The following RGL1 variants were observed in gnomAD, a reference collection of about 807,000 sequenced individuals.
RGL1 encodes the protein ral guanine nucleotide dissociation stimulator like 1, also known as ral guanine nucleotide dissociation stimulator-like 1.
Under a neutral mutation model 95.2 loss-of-function variants are expected in RGL1, and 24 were observed. That is an observed-to-expected ratio of 0.25 (90% CI 0.18 to 0.35). The LOEUF is 0.35. RGL1 is among the 10% of genes least tolerant of loss of function. The pLI, the probability that RGL1 is intolerant of heterozygous loss-of-function variation, is 1.00. For synonymous variants in RGL1, 329 were observed against 344.9 expected (o/e 0.95, Z 0.51); for missense variants, 715 against 936.3 (o/e 0.76, Z 3.08).
At chr1:183,713,379 C>CG (rs1456765182) in intron 1 of RGL1, among the ~76,000 whole-genome samples, 2 of 126,780 alleles carry the variant, frequency 1.6e-5, no homozygotes, top group Admixed American at 7.9e-5. Flanking sequence ...TAGAGGCACC[C>CG]CCCCCCCCCG....
intron 1 of RGL1, among the ~76,000 whole-genome samples, chr1:183,717,998 G>A (rs888349143): frequency 6.6e-6 from 1 of 152,150 alleles, no homozygotes; most frequent in African/African-American, 2.4e-5. Context: ...TGTAATTCCA[G>A]CACTTTGGGA....
chr1:183,708,916 C>T (rs1655089975), intron 1 of RGL1, among the ~76,000 whole-genome samples: 1 of 152,180 alleles, frequency 6.6e-6, no homozygotes, highest in Admixed American at 6.5e-5. Flanking sequence ...ATGTAAGGCT[C>T]TTGTATCAGT....
chr1:183,726,338 C>T (rs936842169), intron 1 of RGL1, among the ~76,000 whole-genome samples: 23 of 151,848 alleles, frequency 1.5e-4, no homozygotes, highest in African/African-American at 2.4e-5. Context: ...AAATCAAAAT[C>T]TGATTCTTTG....
At chr1:183,861,426 C>A (rs1299468175) in intron 3 of RGL1, among the ~76,000 whole-genome samples, 1 of 152,212 alleles carries the variant, frequency 6.6e-6, no homozygotes, top group African/African-American at 2.4e-5. Context: ...TTCACCTTAC[C>A]AGATAGGCTA....
At chr1:183,747,376 T>G (rs1005295511) in intron 2 of RGL1, among the ~76,000 whole-genome samples, 6 of 152,210 alleles carry the variant, frequency 3.9e-5, no homozygotes, top group Admixed American at 3.9e-4. Flanking sequence ...TATCTCATTG[T>G]ATACAATGAC....
At chr1:183,658,917 AGCCACC>A (rs1037012003) in intron 1 of RGL1, among the ~76,000 whole-genome samples, 1 of 151,808 alleles carries the variant, frequency 6.6e-6, no homozygotes. Context: ...GCTGTTCTGC[AGCCACC>A]GCTGCTGGTA....
At chr1:183,726,804 A>AT (rs1656337798) in intron 1 of RGL1, among the ~76,000 whole-genome samples, 1 of 152,128 alleles carries the variant, frequency 6.6e-6, no homozygotes, top group South Asian at 2.1e-4. Context: ...GAATGCTTCC[A>AT]TTATACTTAC....
intron 1 of RGL1, chr1:183,709,727 C>T (rs1054165163): frequency 2.3e-5 from 5 of 215,226 alleles, no homozygotes; most frequent in Admixed American, 4.1e-5. Context: ...TATGTGAATT[C>T]GAGGCTGGTG....
At chr1:183,887,008 G>A (rs1296566500) in intron 7 of RGL1, among the ~76,000 whole-genome samples, 1 of 151,564 alleles carries the variant, frequency 6.6e-6, no homozygotes, top group Non-Finnish European at 1.5e-5. Flanking sequence ...ATTTCAATTT[G>A]CATGATGTAT....
At chr1:183,685,517 TTACA>T (rs775218820) in intron 1 of RGL1, among the ~76,000 whole-genome samples, 2 of 152,206 alleles carry the variant, frequency 1.3e-5, no homozygotes, top group Non-Finnish European at 2.9e-5. Context: ...GCTTTTAATG[TTACA>T]TACAATTACA....
At chr1:183,649,363 A>G (rs938403067) in intron 1 of RGL1, among the ~76,000 whole-genome samples, 1 of 152,216 alleles carries the variant, frequency 6.6e-6, no homozygotes, top group Non-Finnish European at 1.5e-5. Context: ...AGTACAAAAA[A>G]GTGTTTTGCA....
chr1:183,921,484 G>A (rs1173874632), intron 16 of RGL1, among the ~76,000 whole-genome samples: 6 of 152,152 alleles, frequency 3.9e-5, no homozygotes, highest in Non-Finnish European at 7.3e-5. Context: ...CCACTGGTAT[G>A]TAATCTTTTG....
At chr1:183,639,683 A>G (rs1649783826) in intron 1 of RGL1, among the ~76,000 whole-genome samples, 1 of 143,814 alleles carries the variant, frequency 7.0e-6, no homozygotes, top group African/African-American at 2.7e-5. Flanking sequence ...AAACTTATCA[A>G]CTAAAAACCT....
chr1:183,755,166 C>G (rs1010955017), intron 2 of RGL1, among the ~76,000 whole-genome samples: 22 of 151,904 alleles, frequency 1.4e-4, no homozygotes, highest in African/African-American at 5.3e-4. Context: ...AATTACTTCA[C>G]TTGGTCAGAA....
intron 1 of RGL1, among the ~76,000 whole-genome samples, chr1:183,679,592 C>T (rs1432562588): frequency 6.6e-6 from 1 of 151,726 alleles, no homozygotes; most frequent in Non-Finnish European, 1.5e-5. Flanking sequence ...ATATGTGCCA[C>T]ATTTTCTTTA....
At chr1:183,896,557 G>GA (rs1272787819) in intron 9 of RGL1, among the ~76,000 whole-genome samples, 1 of 152,104 alleles carries the variant, frequency 6.6e-6, no homozygotes, top group Non-Finnish European at 1.5e-5. Flanking sequence ...CCAAGCCACT[G>GA]AAAAAAACCC....
chr1:183,719,444 C>T (rs772751572), intron 1 of RGL1, among the ~76,000 whole-genome samples: 7 of 151,952 alleles, frequency 4.6e-5, no homozygotes, highest in African/African-American at 1.2e-4. Flanking sequence ...TACTTGGTTT[C>T]TCCCTGAGGA....
chr1:183,869,971 A>G (rs1441181619), intron 4 of RGL1, among the ~76,000 whole-genome samples: 3 of 152,162 alleles, frequency 2.0e-5, no homozygotes, highest in South Asian at 2.1e-4. Context: ...GGTTGTCTCA[A>G]CTTGGTGGGG....
chr1:183,874,510 G>GTT (rs560637064), intron 4 of RGL1, among the ~76,000 whole-genome samples: 1 of 146,650 alleles, frequency 6.8e-6, no homozygotes. Context: ...TGCCGTGGAG[G>GTT]TTTTTTTTTT....
Sources: gnomAD v4.1 joint callset for allele counts (sites outside exome capture counted in the v4.1 genomes callset) on GRCh38, gnomAD v4.1.1 for gene constraint, MANE v1.5 for transcripts, NCBI Gene and HGNC (gene_info 2026-07-23, HGNC 2026-07-21) for gene names.